The following ABCC4 variants were observed in gnomAD, a reference collection of about 807,000 sequenced individuals.
ABCC4 encodes the protein ATP binding cassette subfamily C member 4 (PEL blood group).
ABCC4 carries 102 observed loss-of-function variants against 168.5 expected under a neutral mutation model. That is an observed-to-expected ratio of 0.61 (90% CI 0.52 to 0.71). The LOEUF (loss-of-function observed/expected upper bound fraction) is 0.71, where lower values mean the gene tolerates loss of function less well. ABCC4 is among the 30% of genes least tolerant of loss of function. The pLI, the probability that ABCC4 is intolerant of heterozygous loss-of-function variation, is 0.00. For synonymous variants in ABCC4, 617 were observed against 590.7 expected, an observed-to-expected ratio of 1.04 and a Z score of -0.65; for missense variants, 1,402 against 1,605.8, an observed-to-expected ratio of 0.87 and a Z score of 2.17.
At chr13:95,204,447 C>T (rs2038723425) in intron 8 of ABCC4, among the ~76,000 whole-genome samples, 1 of 152,080 alleles carries the variant, frequency 6.6e-6, no homozygotes, top group African/African-American at 2.4e-5. Flanking sequence ...GGGGCAGTTT[C>T]CCCTGTGCTG....
chr13:95,147,422 G>A (rs1023260244), intron 19 of ABCC4, among the ~76,000 whole-genome samples: 4 of 152,102 alleles, frequency 2.6e-5, no homozygotes, highest in Non-Finnish European at 5.9e-5. Context: ...CATATTTTGC[G>A]CAAGAGGAAG....
At chr13:95,072,475 C>T (rs563642359) in intron 24 of ABCC4, among the ~76,000 whole-genome samples, 178 of 152,110 alleles carry the variant, frequency 1.2e-3, no homozygotes, top group African/African-American at 4.1e-3. Flanking sequence ...ACCCCTACCC[C>T]CCAAAAAAGA....
intron 20 of ABCC4, among the ~76,000 whole-genome samples, chr13:95,105,180 A>G (rs2034959607): frequency 6.6e-6 from 1 of 151,996 alleles, no homozygotes; most frequent in South Asian, 2.1e-4. Context: ...GATCCCTAGC[A>G]TGCACATTTC....
intron 8 of ABCC4, among the ~76,000 whole-genome samples, chr13:95,199,215 T>C (rs1262297994): frequency 2.0e-5 from 3 of 152,220 alleles, no homozygotes; most frequent in Non-Finnish European, 4.4e-5. Context: ...CTCTGGTCTA[T>C]CTATGGTCAA....
chr13:95,147,055 C>T (rs147861515), intron 19 of ABCC4, among the ~76,000 whole-genome samples: 44 of 152,282 alleles, frequency 2.9e-4, no homozygotes, highest in African/African-American at 1.0e-3. Flanking sequence ...AGAGAATCAT[C>T]GCAGTTCAGA....
At chr13:95,102,720 A>G (rs1244560542) in intron 20 of ABCC4, among the ~76,000 whole-genome samples, 6 of 151,582 alleles carry the variant, frequency 4.0e-5, no homozygotes, top group Admixed American at 3.3e-4. Context: ...CCTGGATTCA[A>G]GCAATTCTCC....
chr13:95,026,492 T>C (rs541166924), intron 30 of ABCC4, among the ~76,000 whole-genome samples: 7 of 152,244 alleles, frequency 4.6e-5, no homozygotes, highest in African/African-American at 1.7e-4. Context: ...AATTCAAGGA[T>C]ATAATTCAAG....
At chr13:95,218,961 G>GAA (rs1366017414) in intron 4 of ABCC4, among the ~76,000 whole-genome samples, 1 of 36,014 alleles carries the variant, frequency 2.8e-5, no homozygotes, top group African/African-American at 1.5e-4. Flanking sequence ...AAGAAAGAAA[G>GAA]AAAGAAAGAA....
intron 1 of ABCC4, among the ~76,000 whole-genome samples, chr13:95,282,606 C>T (rs1407527380): frequency 1.3e-5 from 2 of 151,948 alleles, no homozygotes; most frequent in Admixed American, 6.6e-5. Context: ...ACAATCTCGA[C>T]TCACTGCAAC....
rs115586923 is a variant in ABCC4 at position 95,234,090 on chromosome 13, T to C, written c.531+520A>G. Among the ~76,000 whole-genome samples, 146 of 152,340 alleles carry C rather than the reference T, an allele frequency of 9.6e-4. 1 individual carries two copies. The highest frequency in any genetic ancestry group is 3.2e-3 in the African/African-American group (135 of 41,582). Reference sequence around the variant, plus strand: ...ATGGTTCATTTAAAAAATATAAGAATTCCCTTTCTCAAATATATTCTTTTC... The same window carrying C: ...ATGGTTCATTTAAAAAATATAAGAACTCCCTTTCTCAAATATATTCTTTTC... On this transcript the variant is annotated intron_variant, in intron 4 of 30. Transcript: ENST00000645237.
intron 1 of ABCC4, among the ~76,000 whole-genome samples, chr13:95,276,623 C>A (rs1266050478): frequency 1.3e-5 from 2 of 152,178 alleles, no homozygotes; most frequent in Non-Finnish European, 2.9e-5. Flanking sequence ...CCCTCAAAGA[C>A]ACCAGAGTGC....
intron 14 of ABCC4, 161 bp downstream of exon 14, chr13:95,170,371 G>T (rs1204131253): frequency 3.9e-6 from 2 of 516,120 alleles, no homozygotes; most frequent in Admixed American, 7.4e-5. Context: ...CGGTAATATG[G>T]TTTAGCATGT....
intron 19 of ABCC4, among the ~76,000 whole-genome samples, chr13:95,126,283 G>A (rs760701735): frequency 2.8e-4 from 42 of 152,002 alleles, no homozygotes; most frequent in Non-Finnish European, 1.0e-4. Context: ...CATACCAAGC[G>A]GTCTACAAGA....
chr13:95,142,543 T>C (rs962966575), intron 19 of ABCC4, among the ~76,000 whole-genome samples: 3 of 151,718 alleles, frequency 2.0e-5, no homozygotes, highest in African/African-American at 7.3e-5. Flanking sequence ...AACTTACTCA[T>C]GTAACCAAAT....
chr13:95,021,796 C>T (rs1169674811), intron 30 of ABCC4, 114 bp from the exon 31 acceptor site: 6 of 704,266 alleles, frequency 8.5e-6, no homozygotes, highest in Non-Finnish European at 1.2e-5. Flanking sequence ...ATATCCCTCA[C>T]TGAGGCACAA....
intron 28 of ABCC4, among the ~76,000 whole-genome samples, 181 bp from the exon 29 acceptor site, chr13:95,043,968 T>C (rs1393504975): frequency 6.6e-6 from 1 of 152,216 alleles, no homozygotes; most frequent in Non-Finnish European, 1.5e-5. Context: ...TAAAAATCTA[T>C]GTAGTAATTT....
chr13:95,158,019 C>T (rs1471874958), intron 19 of ABCC4, among the ~76,000 whole-genome samples: 1 of 150,618 alleles, frequency 6.6e-6, no homozygotes, highest in East Asian at 1.9e-4. Flanking sequence ...TTGCAGTGAG[C>T]CAAGATCACG....
chr13:95,216,180 A>G (rs2039104043), intron 4 of ABCC4, among the ~76,000 whole-genome samples: 1 of 152,250 alleles, frequency 6.6e-6, no homozygotes, highest in Non-Finnish European at 1.5e-5. Context: ...CTTACATCTG[A>G]CAGAGAACAA....
At chr13:95,242,100 T>C (rs979674483) in intron 3 of ABCC4, among the ~76,000 whole-genome samples, 10 of 152,202 alleles carry the variant, frequency 6.6e-5, no homozygotes, top group Admixed American at 3.3e-4. Flanking sequence ...AGCTTTTTAC[T>C]AAATGCTAGG....
Sources: gnomAD v4.1 joint callset for allele counts (sites outside exome capture counted in the v4.1 genomes callset) on GRCh38, gnomAD v4.1.1 for gene constraint, MANE v1.5 for transcripts, NCBI Gene and HGNC (gene_info 2026-07-23, HGNC 2026-07-21) for gene names.